Variants in ATP2B2 observed in about 807,000 individuals in gnomAD.
The protein encoded by ATP2B2 is ATPase plasma membrane Ca2+ transporting 2, also known as plasma membrane calcium-transporting ATPase 2.
A neutral mutation model predicts 120.0 loss-of-function variants in ATP2B2; 15 were observed. The ratio of observed to expected loss-of-function variants is 0.12; its 90% CI spans 0.08 to 0.19. The LOEUF is 0.19. ATP2B2 is among the 10% of genes least tolerant of loss of function. The pLI, the probability that ATP2B2 is intolerant of heterozygous loss-of-function variation, is 1.00. For synonymous variants in ATP2B2, 694 were observed against 700.3 expected, an observed-to-expected ratio of 0.99 and a Z score of 0.14; for missense variants, 1,045 against 1,719.8, an observed-to-expected ratio of 0.61 and a Z score of 6.94.
chr3:10,657,652 G>A (rs2070670976), intron 1 of ATP2B2, among the ~76,000 whole-genome samples: 1 of 152,246 alleles, frequency 6.6e-6, no homozygotes, highest in African/African-American at 2.4e-5. Flanking sequence ...GCCTGCCTCT[G>A]TAGACTCCAC....
chr3:10,675,979 T>C (rs1235480593), intron 1 of ATP2B2, among the ~76,000 whole-genome samples: 1 of 152,248 alleles, frequency 6.6e-6, no homozygotes, highest in Non-Finnish European at 1.5e-5. Context: ...AGTGCAAAGC[T>C]TTCCCTTTGT....
At chr3:10,550,465 G>T (rs2067643841) in intron 2 of ATP2B2, among the ~76,000 whole-genome samples, 1 of 151,890 alleles carries the variant, frequency 6.6e-6, no homozygotes, top group Non-Finnish European at 1.5e-5. Flanking sequence ...TAATATTATA[G>T]ACCAGTTTTT....
chr3:10,400,841 T>C, intron 5 of ATP2B2, 112 bp downstream of exon 5: 2 of 1,524,774 alleles, frequency 1.3e-6, no homozygotes, highest in Non-Finnish European at 1.8e-6. Context: ...TGGCTGGAGA[T>C]ACCAGAGCCA....
intron 1 of ATP2B2, among the ~76,000 whole-genome samples, chr3:10,673,661 G>A (rs1164469696): frequency 6.6e-6 from 1 of 151,850 alleles, no homozygotes; most frequent in East Asian, 2.0e-4. Flanking sequence ...AATTAGCCAG[G>A]TGTGGTGGCA....
In ATP2B2 at chr3:10,357,116, G is replaced by A. The variant is rs145889569; in HGVS notation, c.2136+1575C>T. On this transcript the variant is annotated intron_variant, in intron 14 of 22. Coordinates refer to ENST00000360273, the MANE Select transcript of ATP2B2 (RefSeq NM_001001331.4). ...TAGGCTGTATGTCTAGGGCTGTTAC[G>A]TGTCCCTGGATCTAGGGTAATGAAA... 3.1e-3 allele frequency among the ~76,000 whole-genome samples: 474 copies of A among 152,288 alleles called. 4 individuals are homozygous for A. Among genetic ancestry groups the A allele is most frequent in the African/African-American group, 0.011 (446 of 41,542 alleles).
intron 21 of ATP2B2, among the ~76,000 whole-genome samples, chr3:10,339,763 C>T (rs749775750): frequency 6.6e-5 from 10 of 152,150 alleles, no homozygotes; most frequent in Non-Finnish European, 1.2e-4. Flanking sequence ...TCCTGATTGA[C>T]GCCAGCCGGC....
chr3:10,420,665 G>T (rs191190422), intron 2 of ATP2B2, among the ~76,000 whole-genome samples: 1 of 152,320 alleles, frequency 6.6e-6, no homozygotes, highest in Admixed American at 6.5e-5. Context: ...CCCGGCCTGG[G>T]CCTTGGTTTT....
At chr3:10,451,159 C>T (rs187147458) in intron 1 of ATP2B2, among the ~76,000 whole-genome samples, 29 of 152,348 alleles carry the variant, frequency 1.9e-4, no homozygotes, top group Admixed American at 5.9e-4. Flanking sequence ...CTTCCAGAGC[C>T]GCACGGAGTG....
chr3:10,341,614 T>C (rs576027069), intron 19 of ATP2B2, among the ~76,000 whole-genome samples: 2 of 152,296 alleles, frequency 1.3e-5, no homozygotes, highest in Non-Finnish European at 2.9e-5. Flanking sequence ...CCTGGCCAAG[T>C]CCTGTGTCCT....
chr3:10,687,632 G>T (rs1056586290), intron 1 of ATP2B2, among the ~76,000 whole-genome samples: 2 of 152,170 alleles, frequency 1.3e-5, no homozygotes, highest in African/African-American at 4.8e-5. Context: ...AGGCTGAGAA[G>T]GGCCAATCAT....
intron 1 of ATP2B2, among the ~76,000 whole-genome samples, chr3:10,484,539 T>G (rs1388569878): frequency 6.6e-6 from 1 of 152,128 alleles, no homozygotes; most frequent in Non-Finnish European, 1.5e-5. Flanking sequence ...CCTCTGCCTG[T>G]ATGAGTTCCT....
At chr3:10,468,012 C>T (rs1249948219) in intron 1 of ATP2B2, among the ~76,000 whole-genome samples, 7 of 152,170 alleles carry the variant, frequency 4.6e-5, no homozygotes, top group African/African-American at 1.7e-4. Context: ...GGCCCTGAGT[C>T]CCAAGGCTGT....
intron 3 of ATP2B2, among the ~76,000 whole-genome samples, chr3:10,522,489 A>G (rs1435130339): frequency 6.6e-6 from 1 of 152,218 alleles, no homozygotes; most frequent in East Asian, 1.9e-4. Context: ...CACTGGAAGT[A>G]ACTTTCTGTG....
intron 1 of ATP2B2, among the ~76,000 whole-genome samples, chr3:10,483,589 A>C (rs2065501626): frequency 6.6e-6 from 1 of 152,174 alleles, no homozygotes; most frequent in Admixed American, 6.5e-5. Flanking sequence ...GAAGCCTCTT[A>C]CTGGGGAATT....
At chr3:10,507,702 CTG>C (rs1215399335), upstream of ATP2B2, among the ~76,000 whole-genome samples, 1 of 152,220 alleles carries the variant, frequency 6.6e-6, no homozygotes, top group Non-Finnish European at 1.5e-5. Context: ...ACACTGCCTT[CTG>C]TGTCCGGCAC....
chr3:10,516,983 T>C (rs1008064893), intron 3 of ATP2B2, among the ~76,000 whole-genome samples: 6 of 152,160 alleles, frequency 3.9e-5, no homozygotes, highest in Non-Finnish European at 8.8e-5. Flanking sequence ...TGTGTGTGTG[T>C]GTTTCTTAAA....
chr3:10,484,246 G>A (rs55767554), intron 1 of ATP2B2, among the ~76,000 whole-genome samples: 5 of 152,142 alleles, frequency 3.3e-5, no homozygotes, highest in African/African-American at 1.2e-4. Flanking sequence ...GAGACTTCCA[G>A]GGCAGGAGAG....
intron 1 of ATP2B2, among the ~76,000 whole-genome samples, chr3:10,466,657 C>T (rs2064756277): frequency 1.3e-5 from 2 of 152,180 alleles, no homozygotes; most frequent in South Asian, 4.1e-4. Context: ...CCCTGAACCC[C>T]CAAACCATGC....
chr3:10,623,930 T>A (rs2069619608), intron 1 of ATP2B2, among the ~76,000 whole-genome samples: 1 of 152,202 alleles, frequency 6.6e-6, no homozygotes, highest in Non-Finnish European at 1.5e-5. Flanking sequence ...CTGTGAGATG[T>A]TAGGCAAATG....
Sources: gnomAD v4.1 joint callset for allele counts (sites outside exome capture counted in the v4.1 genomes callset) on GRCh38, gnomAD v4.1.1 for gene constraint, MANE v1.5 for transcripts, NCBI Gene and HGNC (gene_info 2026-07-23, HGNC 2026-07-21) for gene names.